The following NLRP1 variants were observed in gnomAD, a reference collection of about 807,000 sequenced individuals.
NLRP1 encodes the protein NACHT, LRR and PYD domains-containing protein 1.
A neutral mutation model predicts 136.7 loss-of-function variants in NLRP1; 94 were observed. The observed-to-expected ratio is 0.69, with a 90% confidence interval of 0.58 to 0.82. The LOEUF (loss-of-function observed/expected upper bound fraction) is 0.82, where lower values mean the gene tolerates loss of function less well. Ranked by LOEUF, NLRP1 falls within the 40% of genes least tolerant of loss-of-function variation. The pLI is 0.00. For missense variants in NLRP1, 1,575 were observed against 1,802.7 expected (o/e 0.87, Z 2.29); for synonymous variants, 690 against 725.1 (o/e 0.95, Z 0.78).
intron 3 of NLRP1, among the ~76,000 whole-genome samples, chr17:5,576,308 A>T (rs1905013822): frequency 6.6e-6 from 1 of 152,204 alleles, no homozygotes; most frequent in African/African-American, 2.4e-5. Flanking sequence ...AGACACAAAA[A>T]ACCTTTCAAA....
At chr17:5,548,209 C>T (rs73342925) in intron 5 of NLRP1, among the ~76,000 whole-genome samples, 3,872 of 152,316 alleles carry the variant, frequency 0.025, 144 homozygotes, top group African/African-American at 0.088. Flanking sequence ...AACCCTCACA[C>T]TCACTCCTAG....
intron 5 of NLRP1, among the ~76,000 whole-genome samples, chr17:5,545,073 A>G (rs1912398466): frequency 6.6e-6 from 1 of 152,094 alleles, no homozygotes; most frequent in African/African-American, 2.4e-5. Flanking sequence ...CATAAGACCT[A>G]CTTTTCCCCT....
chr17:5,533,946 T>C lies in NLRP1; in HGVS notation c.3003A>G (p.Gly1001=). 4 of 1,613,770 alleles carry C rather than the reference T, an allele frequency of 2.5e-6. No individual in the cohort carries two copies. Among genetic ancestry groups the C allele is most frequent in the Non-Finnish European group, 3.4e-6 (4 of 1,179,732 alleles). Residue 1001 remains glycine (G), a synonymous_variant, in exon 9 of 17, where the codon GGA becomes GGG. Coordinates refer to ENST00000572272, the MANE Select transcript of NLRP1 (RefSeq NM_033004.4). ...GTGAGGATGTGCTATTACTCATCTC[T>C]CCCGTATCCAGGCCCTCAGTAGGGG... ...VMTPTEGLDT[G]EMSNSTSSLK...
At chr17:5,567,889 C>T (rs1597472117) in intron 3 of NLRP1, among the ~76,000 whole-genome samples, 1 of 152,190 alleles carries the variant, frequency 6.6e-6, no homozygotes, top group Non-Finnish European at 1.5e-5. Flanking sequence ...ATGCCACTCT[C>T]TCCTGGCCTG....
chr17:5,511,860 TTTTC>T (rs148404282), downstream of NLRP1, among the ~76,000 whole-genome samples: 341 of 108,164 alleles, frequency 3.2e-3, 2 homozygotes, highest in African/African-American at 0.01. Context: ...TTCTCTTCCT[TTTTC>T]TTTCTCTCTC....
At chr17:5,568,046 T>C (rs114912625) in intron 3 of NLRP1, among the ~76,000 whole-genome samples, 2,401 of 152,244 alleles carry the variant, frequency 0.016, 61 homozygotes, top group African/African-American at 0.051. Context: ...TAGTCTACTT[T>C]GGGTTAAATC....
intron 3 of NLRP1, among the ~76,000 whole-genome samples, chr17:5,575,148 G>A (rs1191151404): frequency 1.3e-5 from 2 of 152,060 alleles, no homozygotes; most frequent in East Asian, 1.9e-4. Context: ...AGGAACAACC[G>A]GTATCAGCCA....
chr17:5,552,918 A>G (rs1913556693), intron 5 of NLRP1, among the ~76,000 whole-genome samples: 1 of 152,192 alleles, frequency 6.6e-6, no homozygotes, highest in South Asian at 2.1e-4. Flanking sequence ...GATCTTGTCA[A>G]CCTTCTGCTT....
At chr17:5,553,716 C>CT (rs3067056) in intron 4 of NLRP1, among the ~76,000 whole-genome samples, 160 bp from the exon 5 acceptor site, 1 of 151,722 alleles carries the variant, frequency 6.6e-6, no homozygotes, top group African/African-American at 2.4e-5. Context: ...CCTGTCTGCC[C>CT]GTCACCCAGG....
At chr17:5,542,712 T>TTCCCTCCC (rs765196772) in intron 5 of NLRP1, among the ~76,000 whole-genome samples, 10 of 148,552 alleles carry the variant, frequency 6.7e-5, no homozygotes, top group African/African-American at 7.4e-5. Flanking sequence ...TTTTGCCCAT[T>TTCCCTCCC]TCCCTCCCTC....
rs760056378 is a variant in NLRP1 at position 5,559,523 on chromosome 17, A to C, written c.1173T>G (p.Thr391=). The C allele has an allele frequency of 1.9e-6, 3 of 1,614,010 alleles. No homozygotes were observed. Among genetic ancestry groups the C allele is most frequent in the African/African-American group, 1.3e-5 (1 of 74,926 alleles). ...AELIGKDGTA[T]PAPIRQILSR... is the part of the protein sequence containing the mutation. ...ACAGGATCTGTCTAATGGGAGCCGG[A>C]GTGGCTGTCCCATCTTTTCCGATGA... The change falls in exon 4 of 17, where the codon ACT becomes ACG. Residue 391 remains threonine (T), a synonymous_variant. Transcript: ENST00000572272.
intron 15 of NLRP1, among the ~76,000 whole-genome samples, chr17:5,506,591 T>C (rs981284318): frequency 4.3e-4 from 65 of 151,918 alleles, no homozygotes; most frequent in African/African-American, 1.4e-3. Flanking sequence ...TTTTCCAACA[T>C]TAAAAGGAAG....
Position 5,584,069 on chromosome 17 carries a change from G to T in NLRP1, c.-112C>A. ...CTTGGCTCTTACCGTCTCTTATTCAGCATTCGGAACCCAGTTTTATAAATC... is the reference window on the plus strand; with the variant it reads ...CTTGGCTCTTACCGTCTCTTATTCATCATTCGGAACCCAGTTTTATAAATC... On this transcript the variant is annotated 5_prime_UTR_variant, in exon 1 of 17. In the 5' UTR this introduces an upstream ATG that the reference lacks. Coordinates refer to ENST00000572272, the MANE Select transcript of NLRP1 (RefSeq NM_033004.4). The T allele has an allele frequency of 9.4e-7, 1 of 1,063,124 alleles. No homozygotes were observed. 65.9% of individuals were successfully genotyped at this position (1,063,124 alleles called of 1,614,324 possible).
At position 5,584,019 on chromosome 17, in the gene NLRP1, G is replaced by A; in HGVS notation, c.-62C>T. On this transcript the variant is annotated 5_prime_UTR_variant, in exon 1 of 17. Transcript: ENST00000572272. ...TCCCAGGTGGTGAGGGTATCAGGCA[G>A]GCAGAGAACAGTGCTGTCCTTTGCC... is the stretch of plus-strand genomic sequence containing the variant. The A allele has an allele frequency of 5.9e-6, 9 of 1,519,124 alleles. No individual in the cohort carries two copies. The highest frequency in any genetic ancestry group is 8.1e-6 in the Non-Finnish European group (9 of 1,117,422). 94.1% of individuals were successfully genotyped at this position (1,519,124 alleles called of 1,614,324 possible).
intron 8 of NLRP1, 126 bp downstream of exon 8, chr17:5,536,725 C>T: frequency 1.5e-6 from 1 of 645,392 alleles, no homozygotes; most frequent in South Asian, 1.8e-5. Context: ...GTGCACCTCA[C>T]TCTGGCTGCT....
intron 15 of NLRP1, among the ~76,000 whole-genome samples, chr17:5,516,491 T>C (rs1304798806): frequency 1.3e-5 from 2 of 152,202 alleles, no homozygotes; most frequent in African/African-American, 4.8e-5. Flanking sequence ...AGATAGACTT[T>C]TTCTATGAGT....
At chr17:5,543,019 G>A (rs1317707387) in intron 5 of NLRP1, among the ~76,000 whole-genome samples, 2 of 152,090 alleles carry the variant, frequency 1.3e-5, no homozygotes, top group Admixed American at 6.6e-5. Flanking sequence ...TAGTAAAGAC[G>A]GGGTTTCGCC....
At position 5,582,829 on chromosome 17, in the gene NLRP1, G is replaced by C. The variant is rs200363173; in HGVS notation, c.289C>G (p.Pro97Ala). ...QEGAGHSPSF[P>A]YSPSEPHLGS... ...AGGTGGGGTTCACTTGGGCTGTAGG[G>C]GAATGAGGGAGAGTGGCCTACAGGA... Residue 97 changes from proline to alanine, a missense_variant, in exon 2 of 17, where the codon CCC becomes GCC. Physicochemically the swap from Pro to Ala is conservative, Grantham distance 27. Coordinates refer to ENST00000572272, the MANE Select transcript of NLRP1 (RefSeq NM_033004.4). 60 of 1,610,866 alleles carry C rather than the reference G, an allele frequency of 3.7e-5. 1 individual carries two copies. In the South Asian group the frequency reaches 4.3e-4, roughly 12 times the overall value.
At chr17:5,578,247 A>C (rs1260714166) in intron 3 of NLRP1, among the ~76,000 whole-genome samples, 1 of 152,272 alleles carries the variant, frequency 6.6e-6, no homozygotes, top group Non-Finnish European at 1.5e-5. Flanking sequence ...AACAAAAGCC[A>C]AAATTGACAT....
Sources: allele counts gnomAD v4.1 joint callset (sites outside exome capture counted in the v4.1 genomes callset), GRCh38; gene constraint gnomAD v4.1.1; transcripts MANE v1.5; gene names NCBI Gene and HGNC (gene_info 2026-07-23, HGNC 2026-07-21).